The following ZNF469 variants were observed in gnomAD, a reference collection of about 807,000 sequenced individuals.
ZNF469 encodes zinc finger protein 469.
A neutral mutation model predicts 1.0 loss-of-function variants in ZNF469; 1 was observed. The ratio of observed to expected loss-of-function variants is 1.00; its 90% CI spans 0.35 to 4.73. The LOEUF (loss-of-function observed/expected upper bound fraction) is 4.73. ZNF469 is among the 30% of genes most tolerant of loss of function. The pLI is 0.16. For missense variants in ZNF469, 6,100 were observed against 5,356.3 expected (o/e 1.14, Z -4.33); for synonymous variants, 2,703 against 2,363.4 (o/e 1.14, Z -4.17).
the ZNF469 span, among the ~76,000 whole-genome samples, chr16:88,373,049 C>T: frequency 5.3e-5 from 8 of 152,360 alleles, no homozygotes; most frequent in East Asian, 1.9e-4. Context: ...CCCTTCCTAA[C>T]GCTGACAGAA....
chr16:88,365,794 G>A, the ZNF469 span, among the ~76,000 whole-genome samples: 1 of 152,114 alleles, frequency 6.6e-6, no homozygotes, highest in East Asian at 1.9e-4. Context: ...GGGTAAGTGA[G>A]GGAGTCCAAG....
At chr16:88,356,731 C>T in the ZNF469 span, among the ~76,000 whole-genome samples, 2 of 152,172 alleles carry the variant, frequency 1.3e-5, no homozygotes, top group Admixed American at 6.5e-5. Flanking sequence ...GTGACCTTGA[C>T]GCAGCCCCAT....
chr16:88,380,334 C>CACACAG (rs1208903805), upstream of ZNF469, among the ~76,000 whole-genome samples: 130 of 68,524 alleles, frequency 1.9e-3, 3 homozygotes, highest in Non-Finnish European at 2.1e-3. Flanking sequence ...CATGCACTCA[C>CACACAG]ACATGCGCTC....
chr16:88,126,385 G>A, the ZNF469 span, among the ~76,000 whole-genome samples: 148 of 151,680 alleles, frequency 9.8e-4, 1 homozygote, highest in African/African-American at 3.3e-3. Context: ...TGGGGGAAAC[G>A]TCTCGTATTT....
the ZNF469 span, among the ~76,000 whole-genome samples, chr16:88,129,015 A>G: frequency 5.9e-5 from 9 of 152,282 alleles, no homozygotes; most frequent in Non-Finnish European, 5.9e-5. Flanking sequence ...GCGTTGAATG[A>G]TGGCGCTGTG....
At chr16:88,318,768 G>T in the ZNF469 span, among the ~76,000 whole-genome samples, 1 of 152,360 alleles carries the variant, frequency 6.6e-6, no homozygotes, top group South Asian at 2.1e-4. Flanking sequence ...TGGAAAGCAT[G>T]CGAGGGAGGG....
At chr16:88,141,322 A>T in the ZNF469 span, among the ~76,000 whole-genome samples, 2 of 152,214 alleles carry the variant, frequency 1.3e-5, no homozygotes, top group Non-Finnish European at 1.5e-5. Flanking sequence ...AGAAGACAAG[A>T]GTCGGACTAG....
the ZNF469 span, among the ~76,000 whole-genome samples, chr16:88,355,883 G>A: frequency 1.5e-3 from 226 of 152,248 alleles, no homozygotes; most frequent in African/African-American, 5.1e-3. Flanking sequence ...ACATGCCCTC[G>A]GCGGCCGCCT....
the ZNF469 span, among the ~76,000 whole-genome samples, chr16:88,128,735 G>C: frequency 6.6e-6 from 1 of 152,238 alleles, no homozygotes. Flanking sequence ...AGCTGCCTGG[G>C]CAAGAGCTGG....
the ZNF469 span, among the ~76,000 whole-genome samples, chr16:88,196,214 G>A: frequency 3.9e-5 from 6 of 152,254 alleles, no homozygotes; most frequent in African/African-American, 9.6e-5. Context: ...AGTACCTGTC[G>A]GGACAGCATC....
the ZNF469 span, among the ~76,000 whole-genome samples, chr16:88,235,166 G>C: frequency 9.5e-4 from 144 of 152,262 alleles, no homozygotes; most frequent in African/African-American, 3.3e-3. Context: ...ATTTCGCACC[G>C]GGCCTCTCCA....
the ZNF469 span, among the ~76,000 whole-genome samples, chr16:88,271,011 C>T: frequency 1.4e-4 from 21 of 152,182 alleles, no homozygotes; most frequent in African/African-American, 5.1e-4. Flanking sequence ...ATCAGACAGG[C>T]CTGGGTTGGG....
At chr16:88,210,885 G>A in the ZNF469 span, among the ~76,000 whole-genome samples, 1 of 152,202 alleles carries the variant, frequency 6.6e-6, no homozygotes, top group Non-Finnish European at 1.5e-5. Flanking sequence ...AGCCCCCACT[G>A]TGCTAACGTG....
the ZNF469 span, among the ~76,000 whole-genome samples, chr16:88,280,742 G>A: frequency 0.24 from 36,323 of 149,296 alleles, 4,825 homozygotes; most frequent in East Asian, 0.42. Flanking sequence ...TGATTTTGTT[G>A]CACGTGTTGG....
At chr16:88,163,679 T>G in the ZNF469 span, among the ~76,000 whole-genome samples, 1 of 148,534 alleles carries the variant, frequency 6.7e-6, no homozygotes, top group Admixed American at 6.7e-5. Context: ...GGTGGGCAGA[T>G]ATATGGGTGG....
chr16:88,147,764 A>G, the ZNF469 span, among the ~76,000 whole-genome samples: 2 of 152,154 alleles, frequency 1.3e-5, no homozygotes, highest in Non-Finnish European at 2.9e-5. Flanking sequence ...CCTCCTGGTC[A>G]TCACAGGGGC....
the ZNF469 span, among the ~76,000 whole-genome samples, chr16:88,284,862 A>G: frequency 6.6e-6 from 1 of 152,228 alleles, no homozygotes; most frequent in African/African-American, 2.4e-5. Context: ...TGATGCTGAA[A>G]GGGGCCATCT....
the ZNF469 span, among the ~76,000 whole-genome samples, chr16:88,321,959 C>T: frequency 1.3e-5 from 2 of 152,240 alleles, no homozygotes; most frequent in African/African-American, 4.8e-5. Flanking sequence ...TGCACCGCTT[C>T]TGACATCACT....
At chr16:88,273,857 T>G in the ZNF469 span, among the ~76,000 whole-genome samples, 1 of 147,172 alleles carries the variant, frequency 6.8e-6, no homozygotes, top group African/African-American at 2.5e-5. Context: ...CAGGCTGGAG[T>G]GCAGTGGCGC....
Sources: gnomAD v4.1 joint callset for allele counts (sites outside exome capture counted in the v4.1 genomes callset) on GRCh38, gnomAD v4.1.1 for gene constraint, MANE v1.5 for transcripts, NCBI Gene and HGNC (gene_info 2026-07-23, HGNC 2026-07-21) for gene names.